Variants in SLC4A4 observed in about 807,000 individuals in gnomAD.
The protein encoded by SLC4A4 is solute carrier family 4 member 4.
A neutral mutation model predicts 111.5 loss-of-function variants in SLC4A4; 27 were observed. That is an observed-to-expected ratio of 0.24 (90% CI 0.18 to 0.33). The LOEUF (loss-of-function observed/expected upper bound fraction) is 0.33. Among genes scored for constraint, SLC4A4 ranks in the 10% least tolerant of loss-of-function variants. The probability of loss-of-function intolerance (pLI) is 1.00; values close to 1 mark genes in which losing one functional copy is unlikely to be tolerated. For synonymous variants in SLC4A4, 443 were observed against 463.4 expected, an observed-to-expected ratio of 0.96 and a Z score of 0.57; for missense variants, 909 against 1,315.5, an observed-to-expected ratio of 0.69 and a Z score of 4.78.
intron 2 of SLC4A4, among the ~76,000 whole-genome samples, chr4:71,143,203 G>T (rs934753131): frequency 1.2e-4 from 18 of 151,980 alleles, no homozygotes; most frequent in Admixed American, 9.2e-4. Flanking sequence ...GCAGTGTTTG[G>T]TTTTTTGTCC....
chr4:71,262,627 A>G (rs773039658), intron 3 of SLC4A4, among the ~76,000 whole-genome samples: 1 of 152,180 alleles, frequency 6.6e-6, no homozygotes, highest in African/African-American at 2.4e-5. Context: ...TCCTAAGGCA[A>G]TACTTCTTAT....
chr4:71,114,957 C>T (rs2148953484), intron 2 of SLC4A4, among the ~76,000 whole-genome samples: 1 of 123,226 alleles, frequency 8.1e-6, no homozygotes, highest in Non-Finnish European at 1.7e-5. Flanking sequence ...CAATGATAGA[C>T]TGGATTAAGA....
chr4:71,283,004 G>C (rs935023271), intron 3 of SLC4A4, among the ~76,000 whole-genome samples: 4 of 152,154 alleles, frequency 2.6e-5, no homozygotes, highest in African/African-American at 9.7e-5. Flanking sequence ...TGAAAATGCT[G>C]AATAGACTTG....
chr4:71,189,746 G>A (rs1234788610), intron 1 of SLC4A4, among the ~76,000 whole-genome samples: 3 of 152,220 alleles, frequency 2.0e-5, no homozygotes, highest in African/African-American at 7.2e-5. Context: ...GAAGCGTCCT[G>A]AGAGACTCTG....
chr4:71,236,371 A>G, intron 1 of SLC4A4: 1 of 833,640 alleles, frequency 1.2e-6, no homozygotes, highest in Non-Finnish European at 1.7e-6. Context: ...CAAGGTTAGA[A>G]CTGAAGCTAT....
chr4:71,540,215 GCA>G (rs1237094129), intron 18 of SLC4A4, among the ~76,000 whole-genome samples: 1 of 152,100 alleles, frequency 6.6e-6, no homozygotes, highest in Non-Finnish European at 1.5e-5. Context: ...TGGGCCCCTA[GCA>G]TGAACGTCTA....
Position 71,545,236 on chromosome 4 carries a change from T to G in SLC4A4, c.2443-1114T>G, listed in dbSNP as rs138774726. Among the ~76,000 whole-genome samples, 85 of 152,168 alleles carry G rather than the reference T, an allele frequency of 5.6e-4. 1 individual carries two copies. The East Asian group carries it at 0.016, about 30-fold the overall frequency. On this transcript the variant is annotated intron_variant, in intron 18 of 25. Coordinates refer to ENST00000264485, the MANE Select transcript of SLC4A4 (RefSeq NM_001098484.3). ...CCTGTGATGAGTTCTCAGAACATGA[T>G]TAGATCCATGTGCGTGAGCCAGGGG...
chr4:71,078,971 A>G (rs1741919969), intron 1 of SLC4A4, among the ~76,000 whole-genome samples: 1 of 152,006 alleles, frequency 6.6e-6, no homozygotes, highest in South Asian at 2.1e-4. Flanking sequence ...GGCATGCATC[A>G]CCATGCCTGG....
intron 2 of SLC4A4, among the ~76,000 whole-genome samples, chr4:71,156,597 C>CACACATACACACACACACAT (rs1553957363): frequency 2.0e-5 from 3 of 150,368 alleles, no homozygotes; most frequent in Non-Finnish European, 4.4e-5. Flanking sequence ...CGCACACACA[C>CACACATACACACACACACAT]ACACACACAC....
chr4:71,194,712 C>T (rs896532922), intron 1 of SLC4A4, among the ~76,000 whole-genome samples: 2 of 152,150 alleles, frequency 1.3e-5, no homozygotes, highest in Admixed American at 6.5e-5. Context: ...TTTTTAGCTT[C>T]TATAATTAGA....
At chr4:71,492,245 C>A (rs1729998113) in intron 15 of SLC4A4, among the ~76,000 whole-genome samples, 2 of 151,850 alleles carry the variant, frequency 1.3e-5, no homozygotes, top group African/African-American at 4.8e-5. Context: ...ATACGCATCA[C>A]CTAGCCTCAA....
chr4:71,455,268 G>T lies in SLC4A4; in HGVS notation c.1497+1599G>T, dbSNP rs557369362. ...ACATACCTCTGTGTTACCAGTGAGA[G>T]ATCTGCAGCATGGGTTATGAGAACC... On this transcript the variant is annotated intron_variant, in intron 12 of 25. Coordinates refer to ENST00000264485, the MANE Select transcript of SLC4A4 (RefSeq NM_001098484.3). 8.5e-5 allele frequency among the ~76,000 whole-genome samples: 13 copies of T among 152,270 alleles called. No homozygotes were observed. In the East Asian group the frequency reaches 2.3e-3, roughly 27 times the overall value.
At chr4:71,300,623 T>C (rs1397213432) in intron 3 of SLC4A4, 2 of 348,226 alleles carry the variant, frequency 5.7e-6, no homozygotes, top group Non-Finnish European at 1.2e-5. Flanking sequence ...AGCAGCTCTG[T>C]ATGCAGTGAC....
intron 8 of SLC4A4, among the ~76,000 whole-genome samples, chr4:71,442,344 C>T (rs1724808105): frequency 6.6e-6 from 1 of 152,048 alleles, no homozygotes; most frequent in Non-Finnish European, 1.5e-5. Flanking sequence ...GCAAAAGGAG[C>T]CAGGCAATTC....
intron 18 of SLC4A4, among the ~76,000 whole-genome samples, chr4:71,536,271 G>GGGGGGAATTCTCCTTTTAAT (rs1734412006): frequency 6.6e-6 from 1 of 150,680 alleles, no homozygotes; most frequent in Admixed American, 6.6e-5. Context: ...AAGGGGGTGA[G>GGGGGGAATTCTCCTTTTAAT]GGGGGAATTC....
intron 15 of SLC4A4, among the ~76,000 whole-genome samples, chr4:71,495,405 A>G (rs1730312640): frequency 6.6e-6 from 1 of 152,142 alleles, no homozygotes; most frequent in Non-Finnish European, 1.5e-5. Flanking sequence ...TAAACTTTAA[A>G]TGTATGCTGC....
At position 71,063,217 on chromosome 4, in the gene SLC4A4, T is replaced by G. The variant is rs1448179979; in HGVS notation, c.-65+429T>G. ...CTTAGTGTCATACCCATGGATCATTTTAAACGAGCATACATGTGGGCATTT... is the reference window on the plus strand; with the variant it reads ...CTTAGTGTCATACCCATGGATCATTGTAAACGAGCATACATGTGGGCATTT... On this transcript the variant is annotated intron_variant, in intron 1 of 26. Transcript: ENST00000649996. Among the ~76,000 whole-genome samples, 5 of 152,204 alleles carry G rather than the reference T, an allele frequency of 3.3e-5. No individual in the cohort carries two copies. In the East Asian group the frequency reaches 9.6e-4, roughly 29 times the overall value.
chr4:71,100,950 C>T (rs992463300), intron 2 of SLC4A4, among the ~76,000 whole-genome samples: 4 of 152,198 alleles, frequency 2.6e-5, no homozygotes, highest in African/African-American at 9.6e-5. Flanking sequence ...AGAGAAGACA[C>T]AGTCAAACGG....
chr4:71,192,295 CA>C (rs1204928241), intron 1 of SLC4A4, among the ~76,000 whole-genome samples: 1 of 151,730 alleles, frequency 6.6e-6, no homozygotes. Flanking sequence ...TGTTCCCCAG[CA>C]AAAAAGTCTC....
Sources: gnomAD v4.1 joint callset for allele counts (sites outside exome capture counted in the v4.1 genomes callset) on GRCh38, gnomAD v4.1.1 for gene constraint, MANE v1.5 for transcripts, NCBI Gene and HGNC (gene_info 2026-07-23, HGNC 2026-07-21) for gene names.